The following TRPM7 variants were observed in gnomAD, a reference collection of about 807,000 sequenced individuals.
The protein encoded by TRPM7 is transient receptor potential cation channel subfamily M member 7, also known as LTRPC ion channel family member 7.
Under a neutral mutation model 229.7 loss-of-function variants are expected in TRPM7, and 134 were observed. The ratio of observed to expected loss-of-function variants is 0.58; its 90% CI spans 0.51 to 0.67. TRPM7 has a LOEUF of 0.67. TRPM7 is among the 30% of genes least tolerant of loss of function. TRPM7 has a pLI of 0.00. For missense variants in TRPM7, 1,901 were observed against 2,210.0 expected, an observed-to-expected ratio of 0.86 and a Z score of 2.80; for synonymous variants, 699 against 715.2, an observed-to-expected ratio of 0.98 and a Z score of 0.36.
intron 21 of TRPM7, among the ~76,000 whole-genome samples, chr15:50,602,399 G>A (rs987729043): frequency 2.6e-5 from 4 of 152,098 alleles, no homozygotes; most frequent in African/African-American, 9.7e-5. Flanking sequence ...AGGGGGCAGG[G>A]GGAGGGATAG....
intron 10 of TRPM7, 112 bp from the exon 11 acceptor site, chr15:50,628,361 G>A: frequency 1.5e-6 from 1 of 679,050 alleles, no homozygotes; most frequent in South Asian, 1.9e-5. Flanking sequence ...TCAGGCTAAA[G>A]TGCAAAGGTG....
At chr15:50,664,751 G>C (rs543243987) in intron 1 of TRPM7, among the ~76,000 whole-genome samples, 2 of 152,242 alleles carry the variant, frequency 1.3e-5, no homozygotes, top group South Asian at 4.1e-4. Context: ...GCTTGAGTCT[G>C]TGAGTTCAAG....
At position 50,574,332 on chromosome 15, in the gene TRPM7, G is replaced by A. The variant is rs774920350; in HGVS notation, c.5250C>T (p.Ala1750=). 1.2e-6 allele frequency: 2 copies of A among 1,613,968 alleles called. No individual in the cohort carries two copies. The highest frequency in any genetic ancestry group is 2.2e-5 in the East Asian group (1 of 44,858). ...PTNTLEEIML[A]FSHWTYEYTR... ...TATATTCGTAAGTCCAGTGGCTAAA[G>A]GCTAGCATGATCTCTTCCAGAGTAT... is the stretch of plus-strand genomic sequence containing the variant. Residue 1750 remains alanine, a synonymous_variant, in exon 36 of 39, where the codon GCC becomes GCT. Coordinates refer to ENST00000646667, the MANE Select transcript of TRPM7 (RefSeq NM_017672.6).
At chr15:50,656,300 TG>T (rs2061569249) in intron 3 of TRPM7, among the ~76,000 whole-genome samples, 2 of 151,888 alleles carry the variant, frequency 1.3e-5, no homozygotes, top group Non-Finnish European at 2.9e-5. Flanking sequence ...CAGGTCTTTT[TG>T]TTTGTTTTTT....
At chr15:50,665,428 C>G (rs2011064) in intron 1 of TRPM7, among the ~76,000 whole-genome samples, 52,801 of 151,046 alleles carry the variant, frequency 0.35, 10,419 homozygotes, top group Admixed American at 0.48. Context: ...TGTGCTTGAC[C>G]ATAAAATAAG....
chr15:50,621,696 G>A (rs1303519395), intron 12 of TRPM7, among the ~76,000 whole-genome samples: 2 of 152,130 alleles, frequency 1.3e-5, no homozygotes, highest in Non-Finnish European at 2.9e-5. Context: ...TTGCAAACGT[G>A]TTTTCCTCTT....
At chr15:50,609,745 ATTC>A (rs1168252389) in intron 18 of TRPM7, 21 bp from the exon 19 acceptor site, 1 of 1,539,790 alleles carries the variant, frequency 6.5e-7, no homozygotes. Context: ...AAAAAAAAAA[ATTC>A]TTTTGTACAA....
chr15:50,681,525 A>G (rs1320812190), intron 1 of TRPM7, among the ~76,000 whole-genome samples: 1 of 152,194 alleles, frequency 6.6e-6, no homozygotes, highest in East Asian at 1.9e-4. Flanking sequence ...TCTGCTTCTC[A>G]GGTAACTTTC....
intron 1 of TRPM7, among the ~76,000 whole-genome samples, chr15:50,676,936 C>G (rs1376910521): frequency 6.6e-6 from 1 of 152,154 alleles, no homozygotes; most frequent in Non-Finnish European, 1.5e-5. Context: ...TCCAGGCAGC[C>G]CAGCTAAATA....
chr15:50,668,714 G>C (rs1385792816), intron 1 of TRPM7, among the ~76,000 whole-genome samples: 1 of 152,054 alleles, frequency 6.6e-6, no homozygotes, highest in Non-Finnish European at 1.5e-5. Flanking sequence ...CACTATGTTG[G>C]CCAGGCTGGT....
chr15:50,604,701 T>A, intron 21 of TRPM7, 165 bp downstream of exon 21: 2 of 661,730 alleles, frequency 3.0e-6, no homozygotes, highest in South Asian at 4.3e-5. Flanking sequence ...GGGATTGGGA[T>A]TGAGCATGAG....
intron 6 of TRPM7, 130 bp downstream of exon 6, chr15:50,639,294 A>C: frequency 1.4e-6 from 1 of 722,352 alleles, no homozygotes; most frequent in Non-Finnish European, 1.9e-6. Flanking sequence ...AGTAAACCTC[A>C]GGAAAATACC....
intron 31 of TRPM7, among the ~76,000 whole-genome samples, chr15:50,577,439 C>T (rs112935523): frequency 0.015 from 2,204 of 151,980 alleles, 63 homozygotes; most frequent in African/African-American, 0.052. Flanking sequence ...CCCAGCTACT[C>T]GGGAGGCTGA....
At chr15:50,571,254 C>G (rs1453427026) in intron 36 of TRPM7, among the ~76,000 whole-genome samples, 1 of 152,196 alleles carries the variant, frequency 6.6e-6, no homozygotes, top group Non-Finnish European at 1.5e-5. Context: ...TGTAGAGAAG[C>G]AGGAACTTCC....
At chr15:50,644,901 GGTTTT>G (rs1356730758) in intron 4 of TRPM7, among the ~76,000 whole-genome samples, 1 of 151,192 alleles carries the variant, frequency 6.6e-6, no homozygotes. Context: ...TTTGGTTTTT[GGTTTT>G]GTTTTGTTTT....
chr15:50,609,932 G>A lies in TRPM7; in HGVS notation c.2310C>T (p.Ala770=), dbSNP rs758878113. The A allele has an allele frequency of 6.2e-7, 1 of 1,606,944 alleles. No homozygotes were observed. Among genetic ancestry groups the A allele is most frequent in the Non-Finnish European group, 8.5e-7 (1 of 1,176,786 alleles). Residue 770 remains alanine (A), a synonymous_variant, in exon 18 of 39, where the codon GCC becomes GCT. Transcript: ENST00000646667. ...KVILSILVPP[A]ILLLEYKTKA... ...TAGTTTTATACTCTAACAGCAATATGGCAGGTGGAACTAAAATGCTTAGTA... is the reference window on the plus strand; with the variant it reads ...TAGTTTTATACTCTAACAGCAATATAGCAGGTGGAACTAAAATGCTTAGTA...
intron 21 of TRPM7, among the ~76,000 whole-genome samples, chr15:50,600,765 A>G (rs1361917003): frequency 1.3e-5 from 2 of 152,240 alleles, no homozygotes; most frequent in Non-Finnish European, 1.5e-5. Context: ...GATTAGAAAG[A>G]AAAGTTGTAT....
intron 1 of TRPM7, among the ~76,000 whole-genome samples, chr15:50,677,730 C>T (rs1174426610): frequency 3.0e-5 from 4 of 132,466 alleles, no homozygotes; most frequent in Admixed American, 2.5e-4. Flanking sequence ...CAGAACAAGA[C>T]CCCGTATCAA....
intron 3 of TRPM7, among the ~76,000 whole-genome samples, chr15:50,653,625 T>C (rs531949497): frequency 7.7e-4 from 117 of 152,242 alleles, no homozygotes; most frequent in African/African-American, 2.6e-3. Flanking sequence ...TTCTCAATCA[T>C]AGAGATGACA....
Sources: gnomAD v4.1 joint callset for allele counts (sites outside exome capture counted in the v4.1 genomes callset) on GRCh38, gnomAD v4.1.1 for gene constraint, MANE v1.5 for transcripts, NCBI Gene and HGNC (gene_info 2026-07-23, HGNC 2026-07-21) for gene names.